BBS9: variants seen among roughly 807,000 people sequenced by gnomAD.
BBS9 encodes the protein Bardet-Biedl syndrome 9.
BBS9 carries 89 observed loss-of-function variants against 117.7 expected under a neutral mutation model. That is an observed-to-expected ratio of 0.76 (90% CI 0.64 to 0.90). The LOEUF (loss-of-function observed/expected upper bound fraction) is 0.90. BBS9 is among the 40% of genes least tolerant of loss of function. The probability of loss-of-function intolerance (pLI) is 0.00; values close to 1 mark genes in which losing one functional copy is unlikely to be tolerated. For missense variants in BBS9, 982 were observed against 1,042.2 expected, an observed-to-expected ratio of 0.94 and a Z score of 0.80; for synonymous variants, 379 against 370.9, an observed-to-expected ratio of 1.02 and a Z score of -0.25.
intron 21 of BBS9, among the ~76,000 whole-genome samples, chr7:33,591,864 C>G (rs764014690): frequency 6.7e-6 from 1 of 149,742 alleles, no homozygotes; most frequent in Non-Finnish European, 1.5e-5. Flanking sequence ...TGGCCGTCGT[C>G]GCCATCATCA....
At chr7:33,260,996 C>G (rs1797896449) in intron 6 of BBS9, among the ~76,000 whole-genome samples, 1 of 151,938 alleles carries the variant, frequency 6.6e-6, no homozygotes, top group African/African-American at 2.4e-5. Flanking sequence ...GTATTCTTCT[C>G]CAATCTTTGG....
chr7:33,242,096 T>G (rs1273876150), intron 5 of BBS9, among the ~76,000 whole-genome samples: 2 of 152,162 alleles, frequency 1.3e-5, no homozygotes, highest in African/African-American at 4.8e-5. Flanking sequence ...CAGTATCACT[T>G]TATACTAAAA....
intron 5 of BBS9, among the ~76,000 whole-genome samples, chr7:33,250,189 T>C (rs1796008748): frequency 6.6e-6 from 1 of 152,210 alleles, no homozygotes; most frequent in Non-Finnish European, 1.5e-5. Context: ...GACAAATTGT[T>C]TAAGTTCTGC....
At chr7:33,563,644 A>G (rs1856428126) in intron 21 of BBS9, among the ~76,000 whole-genome samples, 1 of 152,228 alleles carries the variant, frequency 6.6e-6, no homozygotes, top group Non-Finnish European at 1.5e-5. Flanking sequence ...TTTCAAAAGC[A>G]ACTTTTTATT....
At chr7:33,133,190 A>G (rs1789895270) in intron 1 of BBS9, among the ~76,000 whole-genome samples, 1 of 152,234 alleles carries the variant, frequency 6.6e-6, no homozygotes, top group African/African-American at 2.4e-5. Context: ...AGAATAACAA[A>G]ATGAACCCCC....
chr7:33,476,897 T>C (rs1841880491), intron 19 of BBS9, among the ~76,000 whole-genome samples: 1 of 152,216 alleles, frequency 6.6e-6, no homozygotes, highest in African/African-American at 2.4e-5. Flanking sequence ...TATATCTTGA[T>C]GGCTTGATAT....
At chr7:33,283,190 A>G (rs1802232852) in intron 9 of BBS9, among the ~76,000 whole-genome samples, 1 of 152,126 alleles carries the variant, frequency 6.6e-6, no homozygotes, top group Admixed American at 6.5e-5. Context: ...TAATAATTGT[A>G]TATTGCTTTT....
intron 21 of BBS9, among the ~76,000 whole-genome samples, chr7:33,596,257 A>AACAC (rs777940429): frequency 0.016 from 1,940 of 118,820 alleles, 16 homozygotes; most frequent in East Asian, 0.023. Context: ...ACAGAACAGA[A>AACAC]ACACACACAC....
At chr7:33,308,548 C>T (rs1808508099) in intron 9 of BBS9, among the ~76,000 whole-genome samples, 3 of 152,102 alleles carry the variant, frequency 2.0e-5, no homozygotes, top group Non-Finnish European at 2.9e-5. Flanking sequence ...TGTTTGGCAG[C>T]TTGTGTTTGT....
Position 33,273,730 on chromosome 7 carries a change from T to C in BBS9, c.887-97T>C, listed in dbSNP as rs78500220. On this transcript the variant is annotated intron_variant, in intron 8 of 22. Transcript: ENST00000242067. ...AAATCTTTATGTATTAAAATCCAGG[T>C]GTTAGAATTAGTTTGTGCTATCAAT... The C allele has an allele frequency of 1.3e-3, 1,345 of 1,067,632 alleles. 20 individuals are homozygous for C. The African/African-American group carries it at 0.019, about 15-fold the overall frequency. The allele number at this position is 1,067,632 out of a possible 1,614,324, so 66.1% of individuals were successfully genotyped here. A position where few individuals can be genotyped will look rare whatever the true frequency, so the allele number is the denominator to read the frequency against.
intron 21 of BBS9, among the ~76,000 whole-genome samples, chr7:33,631,578 G>A (rs1865890982): frequency 6.6e-6 from 1 of 152,232 alleles, no homozygotes; most frequent in East Asian, 1.9e-4. Flanking sequence ...TGCTGAGCAT[G>A]CATGGACGCA....
intron 15 of BBS9, among the ~76,000 whole-genome samples, chr7:33,354,492 A>T (rs571625523): frequency 6.6e-6 from 1 of 152,284 alleles, no homozygotes; most frequent in South Asian, 2.1e-4. Context: ...CAGACATAAC[A>T]GGAAGGAATC....
At chr7:33,550,187 G>A (rs1312903308) in intron 21 of BBS9, among the ~76,000 whole-genome samples, 1 of 151,958 alleles carries the variant, frequency 6.6e-6, no homozygotes, top group Non-Finnish European at 1.5e-5. Context: ...TCTACTCCCA[G>A]TATCTGCTCG....
intron 5 of BBS9, among the ~76,000 whole-genome samples, chr7:33,189,441 A>T (rs1783683182): frequency 6.6e-6 from 1 of 152,144 alleles, no homozygotes; most frequent in South Asian, 2.1e-4. Context: ...TTTCATAATA[A>T]ATATGTGGTT....
intron 19 of BBS9, among the ~76,000 whole-genome samples, chr7:33,485,315 T>G (rs1032243394): frequency 6.6e-6 from 1 of 150,588 alleles, no homozygotes; most frequent in Non-Finnish European, 1.5e-5. Context: ...AAAGTTTTTT[T>G]TTTTTTTTTT....
intron 1 of BBS9, among the ~76,000 whole-genome samples, chr7:33,145,174 C>T (rs184713756): frequency 3.3e-5 from 5 of 152,304 alleles, no homozygotes; most frequent in South Asian, 2.1e-4. Context: ...TTGTTTATGG[C>T]GGCCTTATAC....
At chr7:33,180,928 G>C (rs1027291572) in intron 5 of BBS9, among the ~76,000 whole-genome samples, 3 of 152,128 alleles carry the variant, frequency 2.0e-5, no homozygotes, top group Non-Finnish European at 2.9e-5. Flanking sequence ...CACAGAGCGA[G>C]GTAAGAAACA....
intron 19 of BBS9, among the ~76,000 whole-genome samples, chr7:33,434,167 A>G (rs1378853449): frequency 6.6e-6 from 1 of 151,736 alleles, no homozygotes; most frequent in African/African-American, 2.4e-5. Context: ...TTTCCATAGG[A>G]TAGATTTCTG....
chr7:33,271,275 C>T (rs1446157678), intron 7 of BBS9, among the ~76,000 whole-genome samples: 1 of 152,108 alleles, frequency 6.6e-6, no homozygotes, highest in Non-Finnish European at 1.5e-5. Flanking sequence ...TACTTAAATA[C>T]ATGGAGTAAT....
Sources: gnomAD v4.1 joint callset for allele counts (sites outside exome capture counted in the v4.1 genomes callset) on GRCh38, gnomAD v4.1.1 for gene constraint, MANE v1.5 for transcripts, NCBI Gene and HGNC (gene_info 2026-07-23, HGNC 2026-07-21) for gene names.